Variants in GALNTL6 observed in about 807,000 individuals in gnomAD.
GALNTL6 encodes polypeptide N-acetylgalactosaminyltransferase like 6.
GALNTL6 carries 46 observed loss-of-function variants against 73.7 expected under a neutral mutation model. The ratio of observed to expected loss-of-function variants is 0.62; its 90% CI spans 0.49 to 0.80. The LOEUF (loss-of-function observed/expected upper bound fraction) is 0.80, where lower values mean the gene tolerates loss of function less well. Ranked by LOEUF, GALNTL6 falls within the 30% of genes least tolerant of loss-of-function variation. The pLI is 0.00. For synonymous variants in GALNTL6, 259 were observed against 263.7 expected (o/e 0.98, Z 0.17); for missense variants, 604 against 755.0 (o/e 0.80, Z 2.34).
intron 2 of GALNTL6, among the ~76,000 whole-genome samples, chr4:172,079,629 T>C (rs1490515922): frequency 6.6e-6 from 1 of 152,090 alleles, no homozygotes; most frequent in Non-Finnish European, 1.5e-5. Flanking sequence ...TAAATCTTGG[T>C]AGCTCTTTAT....
intron 5 of GALNTL6, among the ~76,000 whole-genome samples, chr4:172,760,814 C>T (rs1458602163): frequency 2.6e-5 from 4 of 152,152 alleles, no homozygotes; most frequent in Non-Finnish European, 5.9e-5. Context: ...GATAGGAGGA[C>T]CTCTCATGCC....
chr4:172,675,448 G>A (rs1205678311), intron 5 of GALNTL6, among the ~76,000 whole-genome samples: 4 of 152,218 alleles, frequency 2.6e-5, no homozygotes, highest in African/African-American at 9.6e-5. Flanking sequence ...TGCAGCTGCT[G>A]GGGGCAGGGG....
chr4:172,612,190 G>A (rs1291858295), intron 5 of GALNTL6, among the ~76,000 whole-genome samples: 2 of 152,050 alleles, frequency 1.3e-5, no homozygotes, highest in African/African-American at 4.8e-5. Context: ...AAAGTTGGGG[G>A]TGGGGTATCC....
At chr4:172,679,988 T>C (rs566507625) in intron 5 of GALNTL6, among the ~76,000 whole-genome samples, 1 of 152,298 alleles carries the variant, frequency 6.6e-6, no homozygotes, top group African/African-American at 2.4e-5. Context: ...TTCTAGTAAT[T>C]CTTACCTAAT....
chr4:171,875,117 G>A (rs1470218970), intron 2 of GALNTL6, among the ~76,000 whole-genome samples: 1 of 152,154 alleles, frequency 6.6e-6, no homozygotes, highest in African/African-American at 2.4e-5. Context: ...TCACGGGGAA[G>A]GTAATGTGAG....
At position 172,611,945 on chromosome 4, in the gene GALNTL6, G is replaced by A. The variant is rs116210237; in HGVS notation, c.554-197416G>A. On this transcript the variant is annotated intron_variant, in intron 5 of 12. Transcript: ENST00000506823. ...CATGTATTTAGGTCCCAGACCAACAGGATTTTAAACCTTGACTTCTTCTAT... is the reference window on the plus strand; with the variant it reads ...CATGTATTTAGGTCCCAGACCAACAAGATTTTAAACCTTGACTTCTTCTAT... Among the ~76,000 whole-genome samples the A allele has an allele frequency of 3.1e-3, 477 of 152,146 alleles. 5 individuals are homozygous for A. The highest frequency in any genetic ancestry group is 0.011 in the African/African-American group (463 of 41,530).
At chr4:172,790,657 C>T (rs954039164) in intron 5 of GALNTL6, among the ~76,000 whole-genome samples, 2 of 150,818 alleles carry the variant, frequency 1.3e-5, no homozygotes, top group South Asian at 2.1e-4. Context: ...TTTGGGAGGC[C>T]GAGGCAGGCG....
chr4:172,596,905 C>T (rs1399654829), intron 5 of GALNTL6, among the ~76,000 whole-genome samples: 1 of 152,052 alleles, frequency 6.6e-6, no homozygotes, highest in East Asian at 1.9e-4. Context: ...GACAAGGAGA[C>T]ATTTACATAT....
chr4:172,641,444 C>A (rs1739975949), intron 5 of GALNTL6, among the ~76,000 whole-genome samples: 1 of 152,048 alleles, frequency 6.6e-6, no homozygotes, highest in South Asian at 2.1e-4. Flanking sequence ...TACACTTCAG[C>A]CAAACTGACC....
At chr4:171,832,681 TTGAG>T (rs1236693126) in intron 2 of GALNTL6, among the ~76,000 whole-genome samples, 1 of 151,704 alleles carries the variant, frequency 6.6e-6, no homozygotes, top group Non-Finnish European at 1.5e-5. Context: ...TTGGTTTTAT[TTGAG>T]TAAGTACAAA....
chr4:171,874,971 C>T (rs1263186415), intron 2 of GALNTL6, among the ~76,000 whole-genome samples: 2 of 152,106 alleles, frequency 1.3e-5, no homozygotes, highest in Non-Finnish European at 2.9e-5. Flanking sequence ...ATTCGTTTAG[C>T]TGTATTATAG....
At chr4:172,590,328 G>A (rs375377671) in intron 5 of GALNTL6, among the ~76,000 whole-genome samples, 2 of 152,004 alleles carry the variant, frequency 1.3e-5, no homozygotes, top group Admixed American at 6.5e-5. Context: ...CAAACTGGGG[G>A]AACCTCAGGA....
chr4:172,825,677 CAT>C (rs1299187345), intron 7 of GALNTL6, among the ~76,000 whole-genome samples: 1 of 151,706 alleles, frequency 6.6e-6, no homozygotes, highest in Admixed American at 6.6e-5. Context: ...TAAAAGTACA[CAT>C]GAGAGAAAGA....
chr4:171,858,580 T>G (rs1735750503), intron 2 of GALNTL6, among the ~76,000 whole-genome samples: 1 of 152,058 alleles, frequency 6.6e-6, no homozygotes, highest in African/African-American at 2.4e-5. Flanking sequence ...TCATGCCAAG[T>G]AAGTAAAAAC....
chr4:172,603,375 G>A (rs976495282), intron 5 of GALNTL6, among the ~76,000 whole-genome samples: 7 of 152,146 alleles, frequency 4.6e-5, no homozygotes, highest in African/African-American at 1.4e-4. Flanking sequence ...CATGTCACAT[G>A]TGAGGCCATA....
chr4:172,184,068 G>T (rs1735342900), intron 2 of GALNTL6, among the ~76,000 whole-genome samples: 1 of 152,146 alleles, frequency 6.6e-6, no homozygotes, highest in Non-Finnish European at 1.5e-5. Flanking sequence ...GGGATTACAG[G>T]CATGAGCCAC....
At chr4:172,605,528 T>C (rs547134677) in intron 5 of GALNTL6, among the ~76,000 whole-genome samples, 3 of 152,172 alleles carry the variant, frequency 2.0e-5, no homozygotes, top group Middle Eastern at 3.4e-3. Context: ...TCTGAACAGT[T>C]TGGGGAGAAA....
chr4:172,744,486 C>T (rs955442328), intron 5 of GALNTL6, among the ~76,000 whole-genome samples: 1 of 152,094 alleles, frequency 6.6e-6, no homozygotes, highest in Non-Finnish European at 1.5e-5. Flanking sequence ...GTCTAGAAAA[C>T]AAGTTAGAGA....
At chr4:173,004,792 T>G (rs1752201527) in intron 10 of GALNTL6, among the ~76,000 whole-genome samples, 1 of 152,154 alleles carries the variant, frequency 6.6e-6, no homozygotes, top group South Asian at 2.1e-4. Context: ...GACCATCAGG[T>G]GCACAAAGGA....
Sources: gnomAD v4.1 joint callset for allele counts (sites outside exome capture counted in the v4.1 genomes callset) on GRCh38, gnomAD v4.1.1 for gene constraint, MANE v1.5 for transcripts, NCBI Gene and HGNC (gene_info 2026-07-23, HGNC 2026-07-21) for gene names.